The following ULK4 variants were observed in gnomAD, a reference collection of about 807,000 sequenced individuals.
ULK4 encodes the protein inactive serine/threonine-protein kinase ULK4.
Under a neutral mutation model 160.6 loss-of-function variants are expected in ULK4, and 133 were observed. The ratio of observed to expected loss-of-function variants is 0.83; its 90% CI spans 0.72 to 0.96. ULK4 has a LOEUF of 0.96. ULK4 is among the 40% of genes least tolerant of loss of function. The probability of loss-of-function intolerance (pLI) is 0.00; values close to 1 mark genes in which losing one functional copy is unlikely to be tolerated. For synonymous variants in ULK4, 534 were observed against 539.8 expected, an observed-to-expected ratio of 0.99 and a Z score of 0.15; for missense variants, 1,580 against 1,499.5, an observed-to-expected ratio of 1.05 and a Z score of -0.89.
intron 31 of ULK4, among the ~76,000 whole-genome samples, chr3:41,581,921 G>A (rs1382898705): frequency 3.9e-5 from 6 of 152,184 alleles, no homozygotes; most frequent in African/African-American, 1.2e-4. Flanking sequence ...AAGGTCTTGC[G>A]GTTGAGTGAA....
intron 17 of ULK4, among the ~76,000 whole-genome samples, chr3:41,858,809 T>A (rs1307836243): frequency 6.9e-6 from 1 of 145,570 alleles, no homozygotes; most frequent in African/African-American, 2.6e-5. Flanking sequence ...CTGGCCCAAA[T>A]TCTTTTTTCC....
At chr3:41,593,372 A>G (rs1199736960) in intron 31 of ULK4, among the ~76,000 whole-genome samples, 1 of 151,954 alleles carries the variant, frequency 6.6e-6, no homozygotes, top group East Asian at 1.9e-4. Flanking sequence ...TACATTGTAC[A>G]GTTACTCACC....
At position 41,342,463 on chromosome 3, in the gene ULK4, T is replaced by C. The variant is rs574372714; in HGVS notation, c.3678+55616A>G. Reference sequence around the variant, plus strand: ...TACTGTTATTAGAACTAAAGTCATATAGGAAATACACAAGCACCTACTGCC... The same window carrying C: ...TACTGTTATTAGAACTAAAGTCATACAGGAAATACACAAGCACCTACTGCC... On this transcript the variant is annotated intron_variant, in intron 35 of 36. Transcript: ENST00000301831. Among the ~76,000 whole-genome samples, 26 of 152,238 alleles carry C rather than the reference T, an allele frequency of 1.7e-4. No homozygotes were observed. In the South Asian group the frequency reaches 3.7e-3, roughly 22 times the overall value.
intron 25 of ULK4, among the ~76,000 whole-genome samples, chr3:41,711,809 T>C (rs2037104449): frequency 6.6e-6 from 1 of 152,218 alleles, no homozygotes; most frequent in African/African-American, 2.4e-5. Flanking sequence ...TCATGAGCTC[T>C]TGAAAATATT....
chr3:41,783,079 T>C (rs148014873), intron 21 of ULK4, among the ~76,000 whole-genome samples: 152 of 151,874 alleles, frequency 1.0e-3, no homozygotes, highest in African/African-American at 2.8e-3. Flanking sequence ...AGGGAATATG[T>C]CAACGCGTAC....
chr3:41,594,342 G>A (rs1638705539), intron 31 of ULK4, among the ~76,000 whole-genome samples: 1 of 152,098 alleles, frequency 6.6e-6, no homozygotes, highest in African/African-American at 2.4e-5. Flanking sequence ...TTTGAGGCCA[G>A]CCTGAGCAAC....
chr3:41,392,371 T>C (rs1036330986), intron 35 of ULK4, among the ~76,000 whole-genome samples: 1 of 152,170 alleles, frequency 6.6e-6, no homozygotes, highest in African/African-American at 2.4e-5. Flanking sequence ...TTAAACATCC[T>C]ATTTCTTTGT....
At chr3:41,375,542 T>C (rs1349599016) in intron 35 of ULK4, among the ~76,000 whole-genome samples, 2 of 150,290 alleles carry the variant, frequency 1.3e-5, no homozygotes, top group Admixed American at 6.6e-5. Flanking sequence ...CGATTCCCTA[T>C]TTAATAAATG....
intron 17 of ULK4, among the ~76,000 whole-genome samples, chr3:41,851,071 T>C (rs1247639951): frequency 6.6e-6 from 1 of 152,222 alleles, no homozygotes; most frequent in African/African-American, 2.4e-5. Flanking sequence ...CCTTTATTTC[T>C]TTCTCCTGCC....
At chr3:41,957,971 G>A (rs900305081) in intron 1 of ULK4, among the ~76,000 whole-genome samples, 4 of 151,494 alleles carry the variant, frequency 2.6e-5, no homozygotes, top group Non-Finnish European at 4.4e-5. Context: ...TTGAACCCGG[G>A]AGGCAGAGGT....
At chr3:41,866,285 T>C (rs921007801) in intron 17 of ULK4, among the ~76,000 whole-genome samples, 7 of 152,186 alleles carry the variant, frequency 4.6e-5, no homozygotes, top group Non-Finnish European at 7.3e-5. Context: ...TAAAGCTAAG[T>C]AGACCTGATG....
chr3:41,778,285 A>AGGACC (rs2039709329), intron 21 of ULK4, among the ~76,000 whole-genome samples: 1 of 40,962 alleles, frequency 2.4e-5, no homozygotes, highest in Non-Finnish European at 3.7e-5. Context: ...AGGGATGTGA[A>AGGACC]GGACCTCTTC....
At position 41,773,103 on chromosome 3, in the gene ULK4, C is replaced by G. The variant is rs186238897; in HGVS notation, c.2193+16558G>C. Among the ~76,000 whole-genome samples the G allele has an allele frequency of 5.4e-3, 826 of 152,296 alleles. 5 individuals carry two copies. Among genetic ancestry groups the G allele is most frequent in the Non-Finnish European group, 9.2e-3 (625 of 68,014 alleles). On this transcript the variant is annotated intron_variant, in intron 21 of 36. Coordinates refer to ENST00000301831, the MANE Select transcript of ULK4 (RefSeq NM_017886.4). ...ATAAGAGCTATCTATGACAAACCCA[C>G]AGCCAATATCATACTGAATGGAAAA... is the stretch of plus-strand genomic sequence containing the variant.
intron 32 of ULK4, among the ~76,000 whole-genome samples, chr3:41,553,400 CAAT>C (rs912412508): frequency 4.0e-5 from 6 of 151,436 alleles, no homozygotes; most frequent in African/African-American, 1.2e-4. Context: ...CTCAACAAAA[CAAT>C]AATAATTCCA....
At chr3:41,269,339 T>C (rs973220580) in intron 35 of ULK4, among the ~76,000 whole-genome samples, 3 of 151,998 alleles carry the variant, frequency 2.0e-5, no homozygotes, top group Non-Finnish European at 2.9e-5. Flanking sequence ...TCGCTCAACA[T>C]GTCCTTTTAC....
At chr3:41,817,944 G>A (rs180928868) in intron 19 of ULK4, among the ~76,000 whole-genome samples, 125 of 152,004 alleles carry the variant, frequency 8.2e-4, no homozygotes, top group African/African-American at 3.0e-3. Flanking sequence ...AATCATCAGG[G>A]AAATGCAAAT....
At chr3:41,879,470 T>C (rs1697429949) in intron 17 of ULK4, among the ~76,000 whole-genome samples, 1 of 151,996 alleles carries the variant, frequency 6.6e-6, no homozygotes. Flanking sequence ...CCTCTCTACT[T>C]CTATATATGT....
intron 35 of ULK4, chr3:41,278,109 C>G (rs1026982074): frequency 1.3e-5 from 2 of 152,324 alleles, no homozygotes; most frequent in Admixed American, 1.3e-4. Context: ...ACTTTTCCCA[C>G]AGTCTTAGCA....
At chr3:41,647,891 T>C (rs1362652671) in intron 30 of ULK4, among the ~76,000 whole-genome samples, 1 of 152,218 alleles carries the variant, frequency 6.6e-6, no homozygotes, top group African/African-American at 2.4e-5. Flanking sequence ...TACGCAAGCC[T>C]GAGCAATGGC....
Sources: gnomAD v4.1 joint callset for allele counts (sites outside exome capture counted in the v4.1 genomes callset) on GRCh38, gnomAD v4.1.1 for gene constraint, MANE v1.5 for transcripts, NCBI Gene and HGNC (gene_info 2026-07-23, HGNC 2026-07-21) for gene names.